Variants in LUZP2 observed in about 807,000 individuals in gnomAD.
LUZP2 encodes the protein leucine zipper protein 2.
LUZP2 carries 52 observed loss-of-function variants against 51.6 expected under a neutral mutation model. That is an observed-to-expected ratio of 1.01 (90% CI 0.81 to 1.27). The LOEUF (loss-of-function observed/expected upper bound fraction) is 1.27. Ranked by LOEUF, LUZP2 falls within the 50% of genes most tolerant of loss-of-function variation. The pLI, the probability that LUZP2 is intolerant of heterozygous loss-of-function variation, is 0.00. For synonymous variants in LUZP2, 154 were observed against 137.3 expected, an observed-to-expected ratio of 1.12 and a Z score of -0.85; for missense variants, 436 against 395.4, an observed-to-expected ratio of 1.10 and a Z score of -0.87.
rs570616833 is a variant in LUZP2 at position 24,643,254 on chromosome 11, C to CAAAAAA, written c.63-85897_63-85892dup. ...TGAAACCTCGTCTGTACTAAAAGTA[C>CAAAAAA]AAAAAAAAAAAAAAAAAAAAAAATT... On this transcript the variant is annotated intron_variant, in intron 1 of 11. Coordinates refer to ENST00000336930, the MANE Select transcript of LUZP2 (RefSeq NM_001009909.4). Among the ~76,000 whole-genome samples, 29 of 75,726 alleles carry CAAAAAA rather than the reference C, an allele frequency of 3.8e-4. 1 individual carries two copies. Among genetic ancestry groups the CAAAAAA allele is most frequent in the South Asian group, 3.4e-3 (8 of 2,330 alleles). The allele number at this position is 75,726 out of a possible 152,430, so 49.7% of individuals were successfully genotyped here.
intron 7 of LUZP2, among the ~76,000 whole-genome samples, chr11:24,920,666 TTAAG>T (rs1287445637): frequency 6.6e-6 from 1 of 151,738 alleles, no homozygotes; most frequent in Non-Finnish European, 1.5e-5. Context: ...ATTATCTTAA[TTAAG>T]TGAAACAACC....
Position 25,077,148 on chromosome 11 carries a change from G to C in LUZP2, c.859-181G>C, listed in dbSNP as rs896506991. ...ATCCCCAAACCAGTCAGGAATGCTT[G>C]CTCTCTCCTTGAAATCCCACTGCTG... On this transcript the variant is annotated intron_variant, in intron 10 of 11. Transcript: ENST00000336930. 3.3e-5 allele frequency among the ~76,000 whole-genome samples: 5 copies of C among 152,250 alleles called. No individual in the cohort carries two copies. The South Asian group carries it at 1.0e-3, about 32-fold the overall frequency.
At chr11:24,723,920 TTAAA>T (rs1407638184) in intron 1 of LUZP2, among the ~76,000 whole-genome samples, 1 of 152,114 alleles carries the variant, frequency 6.6e-6, no homozygotes, top group Non-Finnish European at 1.5e-5. Context: ...TGATATCATA[TTAAA>T]TGAATCAAGC....
intron 5 of LUZP2, among the ~76,000 whole-genome samples, chr11:24,898,720 G>A (rs764291676): frequency 6.6e-6 from 1 of 151,834 alleles, no homozygotes; most frequent in African/African-American, 2.4e-5. Flanking sequence ...TAAAAAATAA[G>A]ATTTTTAAAA....
chr11:25,017,312 TC>T (rs1857189028), intron 9 of LUZP2, among the ~76,000 whole-genome samples: 2 of 152,290 alleles, frequency 1.3e-5, no homozygotes, highest in South Asian at 4.1e-4. Flanking sequence ...TTTGTTGCTT[TC>T]CCTTTGGGGA....
intron 1 of LUZP2, among the ~76,000 whole-genome samples, chr11:24,523,548 T>G (rs1318467481): frequency 1.3e-5 from 2 of 150,444 alleles, no homozygotes; most frequent in Non-Finnish European, 3.0e-5. Context: ...TAATAATCTA[T>G]TATATATATA....
At chr11:24,916,224 G>C (rs1239004560) in intron 7 of LUZP2, among the ~76,000 whole-genome samples, 1 of 152,048 alleles carries the variant, frequency 6.6e-6, no homozygotes, top group Non-Finnish European at 1.5e-5. Flanking sequence ...CTGACTGTTA[G>C]TTGCCCAGAG....
intron 9 of LUZP2, among the ~76,000 whole-genome samples, chr11:24,999,053 T>G (rs945068001): frequency 6.6e-6 from 1 of 152,188 alleles, no homozygotes; most frequent in African/African-American, 2.4e-5. Flanking sequence ...TATAATGATC[T>G]AATGCAACAC....
intron 1 of LUZP2, among the ~76,000 whole-genome samples, chr11:24,645,624 A>G (rs765440348): frequency 3.3e-5 from 5 of 152,096 alleles, no homozygotes; most frequent in Non-Finnish European, 7.4e-5. Context: ...TTAGCAGAGT[A>G]CCTGCTAGTT....
intron 1 of LUZP2, among the ~76,000 whole-genome samples, chr11:24,660,283 A>C (rs1855975071): frequency 6.6e-6 from 1 of 152,178 alleles, no homozygotes; most frequent in South Asian, 2.1e-4. Flanking sequence ...TAAATGTGTT[A>C]TGTAGCAAAA....
intron 5 of LUZP2, among the ~76,000 whole-genome samples, chr11:24,877,183 A>G (rs1852299009): frequency 6.6e-6 from 1 of 152,156 alleles, no homozygotes; most frequent in Admixed American, 6.6e-5. Flanking sequence ...TCTCTTTCAT[A>G]AGATTGTTAG....
At chr11:24,731,837 G>GT (rs1858724212) in intron 2 of LUZP2, among the ~76,000 whole-genome samples, 1 of 151,724 alleles carries the variant, frequency 6.6e-6, no homozygotes, top group African/African-American at 2.4e-5. Context: ...TAGAAGATAT[G>GT]TTTTTTATTC....
intron 1 of LUZP2, among the ~76,000 whole-genome samples, chr11:24,603,459 A>C (rs1208532218): frequency 6.6e-6 from 1 of 151,848 alleles, no homozygotes; most frequent in Non-Finnish European, 1.5e-5. Context: ...AGTGAGAACC[A>C]GAAATTTGAC....
At chr11:24,501,736 T>C (rs1000923076) in intron 1 of LUZP2, among the ~76,000 whole-genome samples, 1 of 152,208 alleles carries the variant, frequency 6.6e-6, no homozygotes, top group Non-Finnish European at 1.5e-5. Context: ...AGTTATTACA[T>C]GCACCATCAG....
At chr11:24,816,396 C>CT (rs1206342528) in intron 5 of LUZP2, among the ~76,000 whole-genome samples, 1 of 151,900 alleles carries the variant, frequency 6.6e-6, no homozygotes, top group Non-Finnish European at 1.5e-5. Context: ...TTTTAAGCTC[C>CT]TTAAAGCACA....
At chr11:24,541,323 A>T (rs1258572315) in intron 1 of LUZP2, among the ~76,000 whole-genome samples, 1 of 150,764 alleles carries the variant, frequency 6.6e-6, no homozygotes, top group African/African-American at 2.4e-5. Context: ...AGCCCAAAGG[A>T]TTAGATATCG....
chr11:24,620,165 G>C (rs1427329189), intron 1 of LUZP2, among the ~76,000 whole-genome samples: 2 of 152,102 alleles, frequency 1.3e-5, no homozygotes, highest in East Asian at 3.9e-4. Flanking sequence ...ACAGAAAACA[G>C]TCAACTGAAA....
At chr11:24,928,081 A>C (rs1278629417) in intron 7 of LUZP2, among the ~76,000 whole-genome samples, 1 of 152,040 alleles carries the variant, frequency 6.6e-6, no homozygotes, top group Non-Finnish European at 1.5e-5. Context: ...ATTTGTGTAC[A>C]TTTATTTTGT....
intron 5 of LUZP2, among the ~76,000 whole-genome samples, chr11:24,852,154 AGTTT>A (rs2134224984): frequency 6.6e-6 from 1 of 151,356 alleles, no homozygotes; most frequent in South Asian, 2.1e-4. Flanking sequence ...CTAGCTTTTG[AGTTT>A]GTTTGCCCTT....
Sources: gnomAD v4.1 joint callset for allele counts (sites outside exome capture counted in the v4.1 genomes callset) on GRCh38, gnomAD v4.1.1 for gene constraint, MANE v1.5 for transcripts, NCBI Gene and HGNC (gene_info 2026-07-23, HGNC 2026-07-21) for gene names.